ATG10: variants seen among roughly 807,000 people sequenced by gnomAD.
ATG10 encodes ubiquitin-like-conjugating enzyme ATG10.
ATG10 carries 30 observed loss-of-function variants against 32.1 expected under a neutral mutation model. That is an observed-to-expected ratio of 0.94 (90% CI 0.70 to 1.27). ATG10 has a LOEUF of 1.27. ATG10 is among the 50% of genes most tolerant of loss of function. The pLI, the probability that ATG10 is intolerant of heterozygous loss-of-function variation, is 0.00. For synonymous variants in ATG10, 87 were observed against 91.5 expected, an observed-to-expected ratio of 0.95 and a Z score of 0.28; for missense variants, 233 against 262.3, an observed-to-expected ratio of 0.89 and a Z score of 0.77.
chr5:82,130,605 C>T (rs1269360840), intron 3 of ATG10, among the ~76,000 whole-genome samples: 1 of 151,466 alleles, frequency 6.6e-6, no homozygotes, highest in African/African-American at 2.4e-5. Flanking sequence ...GAGTGAGTTC[C>T]CCGACCCCTT....
chr5:82,095,477 G>C (rs1472580189), intron 3 of ATG10, among the ~76,000 whole-genome samples: 2 of 152,148 alleles, frequency 1.3e-5, no homozygotes. Context: ...TATGGGATGA[G>C]TTTATTATTA....
intron 3 of ATG10, among the ~76,000 whole-genome samples, chr5:82,086,628 C>G (rs1459154208): frequency 6.6e-6 from 1 of 152,110 alleles, no homozygotes; most frequent in African/African-American, 2.4e-5. Context: ...ACCAACATGG[C>G]AGCTGAAGGG....
intron 3 of ATG10, among the ~76,000 whole-genome samples, chr5:82,110,573 T>C (rs1485926472): frequency 3.9e-5 from 6 of 152,200 alleles, no homozygotes; most frequent in Non-Finnish European, 8.8e-5. Context: ...TTTTTTCATG[T>C]GTCTGTTGGC....
chr5:82,162,333 A>G (rs1743386831), intron 3 of ATG10, among the ~76,000 whole-genome samples: 1 of 152,206 alleles, frequency 6.6e-6, no homozygotes, highest in South Asian at 2.1e-4. Flanking sequence ...AATTAAAACG[A>G]TAAGAAATTG....
At chr5:82,078,042 T>A (rs1305844442) in intron 3 of ATG10, among the ~76,000 whole-genome samples, 1 of 152,190 alleles carries the variant, frequency 6.6e-6, no homozygotes, top group East Asian at 1.9e-4. Context: ...AAGTGTAATA[T>A]GGTCATTTTT....
chr5:82,179,422 C>G (rs1480235460), intron 5 of ATG10, among the ~76,000 whole-genome samples: 1 of 152,016 alleles, frequency 6.6e-6, no homozygotes, highest in East Asian at 1.9e-4. Context: ...CTTATGTAAT[C>G]TATACTGTTT....
intron 5 of ATG10, among the ~76,000 whole-genome samples, chr5:82,198,698 A>T (rs963597150): frequency 6.6e-6 from 1 of 152,234 alleles, no homozygotes; most frequent in Non-Finnish European, 1.5e-5. Context: ...AGGACAGGCC[A>T]CTGTTATTAT....
intron 5 of ATG10, among the ~76,000 whole-genome samples, chr5:82,246,990 A>T (rs906068472): frequency 6.6e-6 from 1 of 152,158 alleles, no homozygotes; most frequent in African/African-American, 2.4e-5. Context: ...ATCTGGACTG[A>T]TAAGAAGTCA....
At chr5:82,142,815 G>A (rs906522023) in intron 3 of ATG10, among the ~76,000 whole-genome samples, 1 of 152,118 alleles carries the variant, frequency 6.6e-6, no homozygotes, top group African/African-American at 2.4e-5. Flanking sequence ...TACTTAGGAG[G>A]TAGAATCATT....
chr5:82,161,457 C>T (rs1243530622), intron 3 of ATG10, among the ~76,000 whole-genome samples: 3 of 152,058 alleles, frequency 2.0e-5, no homozygotes, highest in African/African-American at 7.2e-5. Context: ...TAATTGATCA[C>T]CAGTTTCACA....
At chr5:82,112,164 T>G (rs1561304143) in intron 3 of ATG10, among the ~76,000 whole-genome samples, 1 of 151,978 alleles carries the variant, frequency 6.6e-6, no homozygotes, top group Admixed American at 6.6e-5. Flanking sequence ...TGTATTATCC[T>G]TGCTGTTAGA....
chr5:82,227,932 G>A (rs1342599073), intron 5 of ATG10, among the ~76,000 whole-genome samples: 1 of 152,196 alleles, frequency 6.6e-6, no homozygotes, highest in Non-Finnish European at 1.5e-5. Flanking sequence ...TGGGCTGGGT[G>A]CAGTGGCTTA....
intron 1 of ATG10, among the ~76,000 whole-genome samples, chr5:81,980,649 T>TA (rs1022612233): frequency 1.3e-5 from 2 of 152,106 alleles, no homozygotes; most frequent in Middle Eastern, 3.2e-3. Flanking sequence ...ATTTATAGTT[T>TA]TTTTTTTTTT....
At chr5:82,164,370 G>T (rs756967544) in intron 3 of ATG10, 29 bp from the exon 4 acceptor site, 4 of 1,609,094 alleles carry the variant, frequency 2.5e-6, no homozygotes, top group Non-Finnish European at 3.4e-6. Context: ...TAAGAAACCC[G>T]TTTTCGTTTT....
At chr5:82,067,482 A>T (rs950327310) in intron 3 of ATG10, among the ~76,000 whole-genome samples, 2 of 152,174 alleles carry the variant, frequency 1.3e-5, no homozygotes, top group Non-Finnish European at 2.9e-5. Flanking sequence ...ATCTTAAAGC[A>T]GTTTAGTGTT....
chr5:82,115,142 G>T (rs1765756580), intron 3 of ATG10, among the ~76,000 whole-genome samples: 1 of 151,990 alleles, frequency 6.6e-6, no homozygotes, highest in Admixed American at 6.6e-5. Context: ...GTCATAGAAT[G>T]CATAGATTTT....
chr5:82,139,892 G>A (rs1346240603), intron 3 of ATG10, among the ~76,000 whole-genome samples: 6 of 139,900 alleles, frequency 4.3e-5, no homozygotes, highest in East Asian at 2.3e-4. Context: ...AGGGAGGTGG[G>A]GGGGTCAGCC....
chr5:82,133,353 G>A (rs112063714), intron 3 of ATG10, among the ~76,000 whole-genome samples: 4 of 152,078 alleles, frequency 2.6e-5, no homozygotes, highest in African/African-American at 9.6e-5. Context: ...TTTCTTCTAG[G>A]GTATTTATGG....
At chr5:82,137,547 T>C (rs1365934557) in intron 3 of ATG10, among the ~76,000 whole-genome samples, 1 of 152,222 alleles carries the variant, frequency 6.6e-6, no homozygotes, top group Non-Finnish European at 1.5e-5. Flanking sequence ...CAGCGGAGGC[T>C]GCAGAACAGC....
Sources: allele counts gnomAD v4.1 joint callset (sites outside exome capture counted in the v4.1 genomes callset), GRCh38; gene constraint gnomAD v4.1.1; transcripts MANE v1.5; gene names NCBI Gene and HGNC (gene_info 2026-07-23, HGNC 2026-07-21).